The following FOXJ3 variants were observed in gnomAD, a reference collection of about 807,000 sequenced individuals.
FOXJ3 encodes the protein forkhead box J3.
A neutral mutation model predicts 76.1 loss-of-function variants in FOXJ3; 22 were observed. The ratio of observed to expected loss-of-function variants is 0.29; its 90% CI spans 0.21 to 0.41. The LOEUF (loss-of-function observed/expected upper bound fraction) is 0.41, where lower values mean the gene tolerates loss of function less well. FOXJ3 is among the 10% of genes least tolerant of loss of function. The pLI, the probability that FOXJ3 is intolerant of heterozygous loss-of-function variation, is 1.00. For synonymous variants in FOXJ3, 269 were observed against 261.2 expected, an observed-to-expected ratio of 1.03 and a Z score of -0.29; for missense variants, 613 against 762.1, an observed-to-expected ratio of 0.80 and a Z score of 2.30.
intron 1 of FOXJ3, among the ~76,000 whole-genome samples, chr1:42,333,049 T>C (rs1656254020): frequency 6.6e-6 from 1 of 152,034 alleles, no homozygotes; most frequent in Non-Finnish European, 1.5e-5. Flanking sequence ...CATAGATAAC[T>C]CGGTACTTTA....
At chr1:42,246,901 C>A (rs1430604644) in intron 4 of FOXJ3, among the ~76,000 whole-genome samples, 5 of 152,012 alleles carry the variant, frequency 3.3e-5, no homozygotes, top group African/African-American at 1.2e-4. Context: ...ATGGATGGAA[C>A]TGAAAGTATG....
chr1:42,270,253 C>G (rs1262135405), intron 3 of FOXJ3, among the ~76,000 whole-genome samples: 1 of 152,200 alleles, frequency 6.6e-6, no homozygotes, highest in African/African-American at 2.4e-5. Context: ...CTGGTGTTCA[C>G]AGATATAAGT....
chr1:42,296,798 T>C (rs1653818235), intron 2 of FOXJ3, among the ~76,000 whole-genome samples: 1 of 152,230 alleles, frequency 6.6e-6, no homozygotes, highest in African/African-American at 2.4e-5. Flanking sequence ...GCTTTTTTGA[T>C]TCCATATGCA....
At chr1:42,271,647 A>G (rs1301566161) in intron 3 of FOXJ3, among the ~76,000 whole-genome samples, 1 of 151,954 alleles carries the variant, frequency 6.6e-6, no homozygotes, top group African/African-American at 2.4e-5. Flanking sequence ...ATGAAATTTT[A>G]TTTTTTATTT....
At chr1:42,182,535 T>TCA (rs1445437969) in intron 11 of FOXJ3, among the ~76,000 whole-genome samples, 1 of 152,162 alleles carries the variant, frequency 6.6e-6, no homozygotes, top group African/African-American at 2.4e-5. Context: ...TCTCACTCTG[T>TCA]CACCCAGGCT....
rs117756295 is a variant in FOXJ3 at position 42,242,457 on chromosome 1, T to C, written c.445-14491A>G. On this transcript the variant is annotated intron_variant, in intron 4 of 12. Coordinates refer to ENST00000361346, the MANE Select transcript of FOXJ3 (RefSeq NM_014947.5). The stretch of plus-strand genomic sequence containing the variant: ...CAGATCCTGGAATGAAATAATTCAA[T>C]CAATGAAATTCTAAAAATTCATTTG... 7.9e-4 allele frequency among the ~76,000 whole-genome samples: 120 copies of C among 151,190 alleles called. 3 individuals carry two copies. The East Asian group carries it at 0.016, about 21-fold the overall frequency.
chr1:42,284,604 T>C (rs187654670), intron 2 of FOXJ3, among the ~76,000 whole-genome samples: 1 of 152,222 alleles, frequency 6.6e-6, no homozygotes, highest in East Asian at 1.9e-4. Flanking sequence ...GGTAGGTGAG[T>C]GTACCTACAA....
intron 2 of FOXJ3, among the ~76,000 whole-genome samples, chr1:42,291,428 A>G (rs1162954910): frequency 1.3e-5 from 2 of 152,212 alleles, no homozygotes; most frequent in African/African-American, 2.4e-5. Flanking sequence ...TTCTTCAAAG[A>G]CAGTGTTAGG....
intron 11 of FOXJ3, among the ~76,000 whole-genome samples, chr1:42,187,534 A>C (rs1230852554): frequency 2.0e-5 from 3 of 152,218 alleles, no homozygotes; most frequent in Admixed American, 1.3e-4. Context: ...GAAACAAAGA[A>C]GACACGCTGT....
At chr1:42,238,662 G>T (rs1276883615) in intron 4 of FOXJ3, among the ~76,000 whole-genome samples, 1 of 151,282 alleles carries the variant, frequency 6.6e-6, no homozygotes, top group East Asian at 2.0e-4. Context: ...AGGCCCAAGA[G>T]ATCCTCCCAC....
At chr1:42,241,637 T>G (rs538175743) in intron 4 of FOXJ3, among the ~76,000 whole-genome samples, 1 of 152,300 alleles carries the variant, frequency 6.6e-6, no homozygotes, top group Admixed American at 6.5e-5. Flanking sequence ...GTCTGGGGAA[T>G]GGCCCTCCCA....
chr1:42,331,905 T>C (rs1656188195), intron 1 of FOXJ3, among the ~76,000 whole-genome samples: 1 of 152,164 alleles, frequency 6.6e-6, no homozygotes, highest in Non-Finnish European at 1.5e-5. Context: ...CATAAGTTTG[T>C]TTCTTTTTTT....
At chr1:42,239,346 T>C (rs79224634) in intron 4 of FOXJ3, among the ~76,000 whole-genome samples, 5,926 of 152,318 alleles carry the variant, frequency 0.039, 146 homozygotes, top group South Asian at 0.092. Context: ...TCTCAGAGTA[T>C]AATATAAACT....
chr1:42,176,848 A>G lies in FOXJ3; in HGVS notation c.*2862T>C, dbSNP rs1646223703. ...ATCACCCTCTGAATGAACAATATCA[A>G]AATACTCTATTCCATTTGAAATTAT... On this transcript the variant is annotated 3_prime_UTR_variant, in exon 13 of 13. Transcript: ENST00000361346. The G allele has an allele frequency of 6.5e-6, 1 of 152,676 alleles. No individual in the cohort carries two copies. Among genetic ancestry groups the G allele is most frequent in the South Asian group, 2.1e-4 (1 of 4,826 alleles). 9.5% of individuals were successfully genotyped at this position (152,676 alleles called of 1,614,324 possible).
chr1:42,255,896 C>T (rs1242892428), intron 4 of FOXJ3, among the ~76,000 whole-genome samples: 1 of 152,188 alleles, frequency 6.6e-6, no homozygotes. Flanking sequence ...GTGGCACATG[C>T]CTGTAGTCCC....
At chr1:42,329,056 C>A (rs1656005554) in intron 1 of FOXJ3, among the ~76,000 whole-genome samples, 4 of 152,102 alleles carry the variant, frequency 2.6e-5, no homozygotes. Flanking sequence ...TTGTCCTGAT[C>A]CCACAGAATA....
intron 4 of FOXJ3, among the ~76,000 whole-genome samples, chr1:42,232,161 T>C (rs372092815): frequency 6.6e-6 from 1 of 152,152 alleles, no homozygotes; most frequent in Admixed American, 6.5e-5. Flanking sequence ...TATTCCATGG[T>C]GTATATGTGC....
chr1:42,189,425 T>A, intron 9 of FOXJ3, 21 bp from the exon 10 acceptor site: 1 of 1,524,080 alleles, frequency 6.6e-7, no homozygotes. Context: ...TTGACAACAG[T>A]GTAATTCCTG....
At chr1:42,310,719 G>GT (rs1654755659) in intron 2 of FOXJ3, among the ~76,000 whole-genome samples, 1 of 152,042 alleles carries the variant, frequency 6.6e-6, no homozygotes. Context: ...CAAAATGCTG[G>GT]GAGTACAGAT....
Sources: allele counts gnomAD v4.1 joint callset (sites outside exome capture counted in the v4.1 genomes callset), GRCh38; gene constraint gnomAD v4.1.1; transcripts MANE v1.5; gene names NCBI Gene and HGNC (gene_info 2026-07-23, HGNC 2026-07-21).